The following PLCB1 variants were observed in gnomAD, a reference collection of about 807,000 sequenced individuals.
PLCB1 encodes the protein phospholipase C beta 1, also known as 1-phosphatidylinositol 4,5-bisphosphate phosphodiesterase beta-1.
PLCB1 carries 46 observed loss-of-function variants against 161.8 expected under a neutral mutation model. That is an observed-to-expected ratio of 0.28 (90% confidence interval 0.22 to 0.36). The LOEUF (loss-of-function observed/expected upper bound fraction) is 0.36. PLCB1 is among the 10% of genes least tolerant of loss of function. The pLI is 1.00. For missense variants in PLCB1, 1,016 were observed against 1,472.5 expected (o/e 0.69, Z 5.07); for synonymous variants, 517 against 503.7 (o/e 1.03, Z -0.35).
At chr20:8,456,370 A>G (rs1245202490) in intron 3 of PLCB1, among the ~76,000 whole-genome samples, 1 of 152,212 alleles carries the variant, frequency 6.6e-6, no homozygotes, top group Non-Finnish European at 1.5e-5. Context: ...ATTGCGAGTG[A>G]AAAGTTTGGG....
intron 2 of PLCB1, among the ~76,000 whole-genome samples, chr20:8,304,290 A>G (rs1187773448): frequency 2.0e-5 from 3 of 152,156 alleles, no homozygotes; most frequent in Admixed American, 6.5e-5. Context: ...TTCATCATTC[A>G]GTCAGTGCTT....
intron 3 of PLCB1, among the ~76,000 whole-genome samples, chr20:8,435,335 T>C (rs1170629799): frequency 6.6e-6 from 1 of 152,196 alleles, no homozygotes; most frequent in African/African-American, 2.4e-5. Context: ...GGTTTGCTTC[T>C]ACCCGGTAGA....
chr20:8,544,108 A>G (rs940516345), intron 3 of PLCB1, among the ~76,000 whole-genome samples: 1 of 152,168 alleles, frequency 6.6e-6, no homozygotes, highest in African/African-American at 2.4e-5. Flanking sequence ...TCACACCCCA[A>G]ACCTCAGCAT....
chr20:8,330,135 G>A (rs1032620795), intron 2 of PLCB1, among the ~76,000 whole-genome samples: 5 of 152,072 alleles, frequency 3.3e-5, no homozygotes, highest in African/African-American at 1.2e-4. Flanking sequence ...TAAAATGAAT[G>A]AGAACAATAA....
chr20:8,135,202 T>C (rs564518977), intron 1 of PLCB1, among the ~76,000 whole-genome samples: 1 of 152,350 alleles, frequency 6.6e-6, no homozygotes, highest in Non-Finnish European at 1.5e-5. Context: ...GCTGCATGAC[T>C]TTAGGCAAAT....
chr20:8,717,563 A>G (rs1979389935), intron 13 of PLCB1, 108 bp from the exon 14 acceptor site: 4 of 781,972 alleles, frequency 5.1e-6, no homozygotes, highest in South Asian at 3.7e-5. Flanking sequence ...TGTTGAAGGT[A>G]GGGAAGAAGT....
chr20:8,681,119 T>TATATAAAA (rs1485697576), intron 9 of PLCB1, among the ~76,000 whole-genome samples: 5 of 82,092 alleles, frequency 6.1e-5, no homozygotes, highest in African/African-American at 3.0e-4. Flanking sequence ...TATATATATA[T>TATATAAAA]AATATATATA....
chr20:8,742,471 G>A (rs927403763), intron 23 of PLCB1, among the ~76,000 whole-genome samples: 4 of 151,964 alleles, frequency 2.6e-5, no homozygotes, highest in Admixed American at 6.6e-5. Flanking sequence ...AAGCATCCTC[G>A]ATTTATTATA....
intron 31 of PLCB1, among the ~76,000 whole-genome samples, chr20:8,811,123 C>G (rs1392738598): frequency 1.3e-5 from 2 of 152,166 alleles, no homozygotes; most frequent in African/African-American, 4.8e-5. Flanking sequence ...TCCCCAGTGT[C>G]TAAAGTTGGT....
At chr20:8,766,849 G>C (rs1040660972) in intron 26 of PLCB1, among the ~76,000 whole-genome samples, 1 of 152,100 alleles carries the variant, frequency 6.6e-6, no homozygotes, top group Non-Finnish European at 1.5e-5. Context: ...ACAACACTCT[G>C]AGTAGTGAAG....
In PLCB1 at chr20:8,237,657, G is replaced by A. The variant is rs376083931; in HGVS notation, c.177+87286G>A. ...CTATATCTTAATTCAGAGTTTAAAG[G>A]AGAAATCTCCATTTACTGGTTTCCC... is the stretch of plus-strand genomic sequence containing the variant. On this transcript the variant is annotated intron_variant, in intron 2 of 31. Transcript: ENST00000338037. Among the ~76,000 whole-genome samples the A allele has an allele frequency of 2.6e-5, 4 of 151,974 alleles. No homozygotes were observed. In the East Asian group the frequency reaches 5.8e-4, roughly 22 times the overall value.
chr20:8,226,877 C>A (rs780346453), intron 2 of PLCB1, among the ~76,000 whole-genome samples: 9 of 152,002 alleles, frequency 5.9e-5, no homozygotes, highest in Admixed American at 1.3e-4. Flanking sequence ...TTAGTAGAGA[C>A]AGAGGTTCAC....
chr20:8,741,880 G>A lies in PLCB1; in HGVS notation c.2523+307G>A, dbSNP rs150201217. Among the ~76,000 whole-genome samples the A allele has an allele frequency of 5.6e-3, 850 of 152,260 alleles. 4 individuals are homozygous for A. The highest frequency in any genetic ancestry group is 0.037 in the Middle Eastern group (11 of 294). On this transcript the variant is annotated intron_variant, in intron 23 of 31. Coordinates refer to ENST00000338037, the MANE Select transcript of PLCB1 (RefSeq NM_015192.4). ...TCCATGCTAATTAAAGGTGATGAAC[G>A]CATTTAAAAAGGAAGATAATCATCA...
intron 3 of PLCB1, among the ~76,000 whole-genome samples, chr20:8,472,614 TG>T (rs1237720056): frequency 1.3e-5 from 2 of 151,574 alleles, no homozygotes; most frequent in African/African-American, 4.9e-5. Context: ...GAGGCTGAGG[TG>T]GGAGGATTAC....
intron 2 of PLCB1, among the ~76,000 whole-genome samples, chr20:8,358,367 G>A (rs1428991253): frequency 6.6e-6 from 1 of 152,056 alleles, no homozygotes; most frequent in Admixed American, 6.5e-5. Context: ...TTCCACGTCA[G>A]CCTCCCGAGT....
intron 3 of PLCB1, among the ~76,000 whole-genome samples, chr20:8,554,448 A>G (rs1985882321): frequency 1.3e-5 from 2 of 152,194 alleles, no homozygotes; most frequent in African/African-American, 2.4e-5. Context: ...TTGCTAATGC[A>G]TTCAGTCTAG....
At chr20:8,362,552 A>C (rs1986576534) in intron 2 of PLCB1, among the ~76,000 whole-genome samples, 1 of 152,174 alleles carries the variant, frequency 6.6e-6, no homozygotes, top group African/African-American at 2.4e-5. Flanking sequence ...GCTGCATTTA[A>C]CTTTCAACTT....
intron 3 of PLCB1, among the ~76,000 whole-genome samples, chr20:8,578,753 TG>T (rs764745253): frequency 1.3e-5 from 2 of 152,232 alleles, no homozygotes; most frequent in East Asian, 3.9e-4. Flanking sequence ...CCTGGATTCC[TG>T]AGAAATAAAT....
chr20:8,781,679 G>T (rs769112922), intron 27 of PLCB1, among the ~76,000 whole-genome samples: 2 of 152,162 alleles, frequency 1.3e-5, no homozygotes, highest in East Asian at 3.8e-4. Flanking sequence ...AAACTGTGAG[G>T]TTTAATTGAA....
Sources: gnomAD v4.1 joint callset for allele counts (sites outside exome capture counted in the v4.1 genomes callset) on GRCh38, gnomAD v4.1.1 for gene constraint, MANE v1.5 for transcripts, NCBI Gene and HGNC (gene_info 2026-07-23, HGNC 2026-07-21) for gene names.